The following IL3RA variants were observed in gnomAD, a reference collection of about 807,000 sequenced individuals.
The protein encoded by IL3RA is interleukin-3 receptor subunit alpha.
IL3RA carries 73 observed loss-of-function variants against 52.3 expected under a neutral mutation model. The observed-to-expected ratio is 1.40, with a 90% CI of 1.16 to 1.70. The LOEUF (loss-of-function observed/expected upper bound fraction) is 1.70. Among genes scored for constraint, IL3RA ranks in the 40% most tolerant of loss-of-function variants. The pLI is 0.00. For synonymous variants in IL3RA, 260 were observed against 194.0 expected, an observed-to-expected ratio of 1.34 and a Z score of -2.83; for missense variants, 664 against 504.4, an observed-to-expected ratio of 1.32 and a Z score of -3.03.
At position 1,352,099 on chromosome X, in the gene IL3RA, G is replaced by C; in HGVS notation, c.299-1G>C. ...GTTCTCTTTCATGTTTGTGAACCCA[G>C]GTGGGAAGCCTTGGGCAGGTGCGGA... On this transcript the variant is annotated splice_acceptor_variant, in intron 4 of 11. Transcript: ENST00000331035. LOFTEE classifies it high-confidence loss of function. 3.7e-6 allele frequency: 6 copies of C among 1,613,664 alleles called. No homozygotes were observed. The highest frequency in any genetic ancestry group is 5.1e-6 in the Non-Finnish European group (6 of 1,179,776).
At chrX:1,340,756 C>T (rs368521474) in intron 1 of IL3RA, among the ~76,000 whole-genome samples, 12 of 152,068 alleles carry the variant, frequency 7.9e-5, no homozygotes, top group African/African-American at 2.7e-4. Context: ...GAGGAAAAGG[C>T]GGGCGGATCA....
intron 3 of IL3RA, among the ~76,000 whole-genome samples, chrX:1,346,379 C>T (rs1245936883): frequency 6.6e-6 from 1 of 151,886 alleles, no homozygotes; most frequent in African/African-American, 2.4e-5. Context: ...GCAGAGGTTG[C>T]ATTGAGCCGA....
intron 8 of IL3RA, among the ~76,000 whole-genome samples, chrX:1,361,855 G>A (rs1168562944): frequency 2.0e-5 from 3 of 151,838 alleles, no homozygotes; most frequent in African/African-American, 7.3e-5. Context: ...GAACAGTGTG[G>A]GGGGAAACTG....
chrX:1,355,551 G>A (rs556370955), intron 6 of IL3RA, among the ~76,000 whole-genome samples: 1,573 of 150,550 alleles, frequency 0.01, 22 homozygotes, highest in South Asian at 0.036. Context: ...ACACAGGGCT[G>A]GGCTGGTAGT....
intron 7 of IL3RA, among the ~76,000 whole-genome samples, chrX:1,357,116 C>T (rs1222616946): frequency 6.6e-6 from 1 of 151,916 alleles, no homozygotes; most frequent in Non-Finnish European, 1.5e-5. Context: ...CCACACCCAG[C>T]TAAGTTTTTG....
chrX:1,361,742 G>A (rs1402897081), intron 8 of IL3RA, among the ~76,000 whole-genome samples: 1 of 127,246 alleles, frequency 7.9e-6, no homozygotes, highest in Non-Finnish European at 1.6e-5. Flanking sequence ...GACAGAGTGA[G>A]ACTCCGTCTC....
Position 1,381,112 on chromosome X carries a change from G to GT in IL3RA, c.1062+14dup, listed in dbSNP as rs746061189. 205 of 1,613,740 alleles carry GT rather than the reference G, an allele frequency of 1.3e-4. No individual in the cohort carries two copies. Among genetic ancestry groups the GT allele is most frequent in the South Asian group, 1.2e-3 (109 of 91,076 alleles). ...TTCCAAAACGACAAGCTGGTATGTTGTTTTTTCTGCCTTGGGACGGGTCTG... is the reference window on the plus strand; with the variant it reads ...TTCCAAAACGACAAGCTGGTATGTTGTTTTTTTCTGCCTTGGGACGGGTCTG... On this transcript the variant is annotated intron_variant, in intron 11 of 11. Coordinates refer to ENST00000331035, the MANE Select transcript of IL3RA (RefSeq NM_002183.4).
chrX:1,348,836 T>TC (rs1374832735), intron 4 of IL3RA, among the ~76,000 whole-genome samples: 5 of 142,520 alleles, frequency 3.5e-5, no homozygotes, highest in African/African-American at 1.3e-4. Context: ...CTCCTTTTCC[T>TC]CCCTCCTCCT....
At chrX:1,379,243 C>T (rs1455187752) in intron 10 of IL3RA, among the ~76,000 whole-genome samples, 1 of 151,926 alleles carries the variant, frequency 6.6e-6, no homozygotes, top group Non-Finnish European at 1.5e-5. Flanking sequence ...GCAGCCTCCA[C>T]CTCCCGGGTT....
At chrX:1,364,796 T>TTATA in intron 8 of IL3RA, among the ~76,000 whole-genome samples, 1 of 139,178 alleles carries the variant, frequency 7.2e-6, no homozygotes, top group Admixed American at 7.2e-5. Flanking sequence ...CTTCTTTTAT[T>TTATA]TATTTATTTA....
chrX:1,342,037 C>A (rs760172424), intron 2 of IL3RA, among the ~76,000 whole-genome samples: 5 of 152,252 alleles, frequency 3.3e-5, no homozygotes, highest in African/African-American at 9.6e-5. Context: ...GTAATACGAC[C>A]TCACAGGCAG....
intron 8 of IL3RA, among the ~76,000 whole-genome samples, chrX:1,360,002 T>C (rs781269109): frequency 7.3e-5 from 11 of 149,696 alleles, no homozygotes; most frequent in Admixed American, 4.7e-4. Context: ...TTTCTCTCTC[T>C]CCCCCGGTCT....
At chrX:1,347,209 G>C (rs1298070397) in intron 3 of IL3RA, among the ~76,000 whole-genome samples, 1 of 151,398 alleles carries the variant, frequency 6.6e-6, no homozygotes, top group Non-Finnish European at 1.5e-5. Flanking sequence ...CACTTTGGAG[G>C]CCGAGGCGGG....
At chrX:1,363,455 C>T (rs1459797131) in intron 8 of IL3RA, among the ~76,000 whole-genome samples, 3 of 151,994 alleles carry the variant, frequency 2.0e-5, no homozygotes, top group Non-Finnish European at 2.9e-5. Flanking sequence ...CGCCCGCCAC[C>T]GGGCCCGGCT....
intron 4 of IL3RA, among the ~76,000 whole-genome samples, chrX:1,349,235 G>A (rs1286519115): frequency 1.3e-5 from 2 of 150,096 alleles, no homozygotes; most frequent in African/African-American, 4.9e-5. Context: ...AGGCTGGAGT[G>A]CACTGGCGCG....
At chrX:1,359,836 C>G (rs1326034289) in intron 8 of IL3RA, among the ~76,000 whole-genome samples, 21 of 149,298 alleles carry the variant, frequency 1.4e-4, no homozygotes, top group Non-Finnish European at 2.5e-4. Flanking sequence ...CTCCTGGTCT[C>G]TGTCTCCCCC....
At chrX:1,368,891 TAAG>T (rs1448920933) in intron 9 of IL3RA, among the ~76,000 whole-genome samples, 1 of 19,474 alleles carries the variant, frequency 5.1e-5, no homozygotes. Context: ...AGCCATCTCA[TAAG>T]AAGAGACGAG....
intron 8 of IL3RA, among the ~76,000 whole-genome samples, chrX:1,360,654 G>T (rs1423081702): frequency 1.3e-5 from 2 of 151,930 alleles, no homozygotes; most frequent in African/African-American, 2.4e-5. Context: ...AAGTAGCTGG[G>T]ATTACAGGCA....
intron 2 of IL3RA, 61 bp downstream of exon 2, chrX:1,341,890 CAAT>C: frequency 6.4e-7 from 1 of 1,550,676 alleles, no homozygotes; most frequent in South Asian, 1.1e-5. Context: ...GACAGACACA[CAAT>C]GTCAGCGTGC....
Sources: gnomAD v4.1 joint callset for allele counts (sites outside exome capture counted in the v4.1 genomes callset) on GRCh38, gnomAD v4.1.1 for gene constraint, MANE v1.5 for transcripts, NCBI Gene and HGNC (gene_info 2026-07-23, HGNC 2026-07-21) for gene names.